The following NLGN4X variants were observed in gnomAD, a reference collection of about 807,000 sequenced individuals.
NLGN4X encodes neuroligin-4, X-linked.
A neutral mutation model predicts 40.3 loss-of-function variants in NLGN4X; 3 were observed. That is an observed-to-expected ratio of 0.07 (90% CI 0.03 to 0.19). NLGN4X has a LOEUF of 0.19. Ranked by LOEUF, NLGN4X falls within the 10% of genes least tolerant of loss-of-function variation. The probability of loss-of-function intolerance (pLI) is 1.00; values close to 1 mark genes in which losing one functional copy is unlikely to be tolerated. For missense variants in NLGN4X, 382 were observed against 708.3 expected (o/e 0.54, Z 5.23); for synonymous variants, 270 against 306.8 (o/e 0.88, Z 1.25).
At chrX:6,095,858 T>C (rs2038763437) in intron 2 of NLGN4X, among the ~76,000 whole-genome samples, 1 of 111,519 alleles carries the variant, frequency 9.0e-6, no homozygotes, top group Non-Finnish European at 1.9e-5. Context: ...AACCCTGAAT[T>C]TGGGAAAGAA....
intron 3 of NLGN4X, among the ~76,000 whole-genome samples, chrX:5,986,129 C>A (rs1177350078): frequency 8.9e-6 from 1 of 112,221 alleles, no homozygotes; most frequent in Non-Finnish European, 1.9e-5. Context: ...ATGTGAACAA[C>A]ATACTTCAAC....
intron 3 of NLGN4X, among the ~76,000 whole-genome samples, chrX:5,988,607 A>G (rs1235091987): frequency 3.6e-5 from 4 of 112,232 alleles, no homozygotes; most frequent in East Asian, 2.8e-4. Context: ...ACATTCCACT[A>G]AACAGACTTT....
chrX:6,218,471 AACCCACACAC>A (rs1488124350), intron 1 of NLGN4X, among the ~76,000 whole-genome samples: 11 of 72,334 alleles, frequency 1.5e-4, no homozygotes, highest in African/African-American at 4.6e-4. Flanking sequence ...TGAGAGATTA[AACCCACACAC>A]ACACACACAC....
At chrX:6,183,971 A>G (rs935157769) in intron 1 of NLGN4X, among the ~76,000 whole-genome samples, 1 of 112,337 alleles carries the variant, frequency 8.9e-6, no homozygotes, top group Non-Finnish European at 1.9e-5. Context: ...ATAAATGACA[A>G]TTATTCACTC....
chrX:6,207,810 C>T (rs1924162999), intron 1 of NLGN4X, among the ~76,000 whole-genome samples: 1 of 111,447 alleles, frequency 9.0e-6, no homozygotes, highest in South Asian at 3.8e-4. Flanking sequence ...TAAAAGGTGT[C>T]CATTTATTAT....
chrX:5,994,266 A>C (rs2035760722), intron 3 of NLGN4X, among the ~76,000 whole-genome samples: 1 of 111,989 alleles, frequency 8.9e-6, no homozygotes, highest in Non-Finnish European at 1.9e-5. Flanking sequence ...GCTACCGATT[A>C]GATTGAGATG....
At chrX:6,022,904 C>T (rs1004131804) in intron 3 of NLGN4X, among the ~76,000 whole-genome samples, 1 of 111,626 alleles carries the variant, frequency 9.0e-6, no homozygotes, top group Non-Finnish European at 1.9e-5. Context: ...AATGCTGTTT[C>T]TGCTATGCAT....
At chrX:5,989,075 TA>T (rs202163877) in intron 3 of NLGN4X, among the ~76,000 whole-genome samples, 1 of 89,590 alleles carries the variant, frequency 1.1e-5, no homozygotes, top group Non-Finnish European at 2.3e-5. Context: ...CTCAAAAAAA[TA>T]AAAAAAATAA....
intron 2 of NLGN4X, among the ~76,000 whole-genome samples, chrX:6,062,457 T>G (rs1216245143): frequency 9.0e-6 from 1 of 111,581 alleles, no homozygotes; most frequent in East Asian, 2.8e-4. Context: ...GTTGAAATCC[T>G]TCCATTTGTT....
intron 2 of NLGN4X, among the ~76,000 whole-genome samples, chrX:6,081,875 G>A (rs777358444): frequency 1.4e-4 from 16 of 112,009 alleles, no homozygotes; most frequent in Non-Finnish European, 2.4e-4. Flanking sequence ...GTCTGGAGGC[G>A]GTGCTGCCAA....
intron 2 of NLGN4X, among the ~76,000 whole-genome samples, chrX:6,134,115 C>A (rs947178168): frequency 2.7e-5 from 3 of 111,296 alleles, no homozygotes; most frequent in African/African-American, 9.8e-5. Context: ...CCTGGTTGAG[C>A]TTCTCAGCTT....
At chrX:6,125,459 T>C (rs2039520985) in intron 2 of NLGN4X, among the ~76,000 whole-genome samples, 1 of 109,394 alleles carries the variant, frequency 9.1e-6, no homozygotes, top group Non-Finnish European at 1.9e-5. Context: ...ATACAACAAA[T>C]AATATACAAC....
At chrX:5,920,249 C>T (rs979228274) in intron 3 of NLGN4X, among the ~76,000 whole-genome samples, 21 of 112,085 alleles carry the variant, frequency 1.9e-4, no homozygotes, top group African/African-American at 6.8e-4. Flanking sequence ...TCATAATTAG[C>T]AAGGAAATGT....
rs2034441991 is a variant in NLGN4X, at chrX:5,954,860, C to T, written c.626-45621G>A. Among the ~76,000 whole-genome samples the T allele has an allele frequency of 3.6e-5, 4 of 110,781 alleles. No individual in the cohort carries two copies. The Admixed American group carries it at 3.9e-4, about 11-fold the overall frequency. On this transcript the variant is annotated intron_variant, in intron 3 of 5. Coordinates refer to ENST00000381095, the MANE Select transcript of NLGN4X (RefSeq NM_181332.3). ...ACATGTTTCTATGACAGTAAGGCTCCAGCATTAAAGGATGTTACCATAACT... is the reference window on the plus strand; with the variant it reads ...ACATGTTTCTATGACAGTAAGGCTCTAGCATTAAAGGATGTTACCATAACT...
chrX:6,087,924 CATTT>C (rs937992817), intron 2 of NLGN4X, among the ~76,000 whole-genome samples: 5 of 112,105 alleles, frequency 4.5e-5, no homozygotes, highest in African/African-American at 1.6e-4. Flanking sequence ...CTGATGGACT[CATTT>C]ACAAGTTTTT....
At chrX:5,960,945 T>G (rs2034641252) in intron 3 of NLGN4X, among the ~76,000 whole-genome samples, 1 of 112,234 alleles carries the variant, frequency 8.9e-6, no homozygotes, top group African/African-American at 3.2e-5. Context: ...GCTTAAAATA[T>G]TCACATTAAT....
At chrX:6,010,513 T>TATTATTA (rs1555947641) in intron 3 of NLGN4X, among the ~76,000 whole-genome samples, 1 of 95,413 alleles carries the variant, frequency 1.0e-5, no homozygotes, top group African/African-American at 3.8e-5. Context: ...TTCTTTTTAT[T>TATTATTA]TTATTATTAT....
intron 1 of NLGN4X, among the ~76,000 whole-genome samples, chrX:6,191,881 T>C (rs1160554317): frequency 1.8e-5 from 2 of 111,808 alleles, no homozygotes; most frequent in African/African-American, 6.5e-5. Context: ...AGTGTGTATG[T>C]ACTTCAGAAA....
At chrX:6,179,114 G>GGAAGGAAGGAAGGAAA (rs1569284121) in intron 1 of NLGN4X, among the ~76,000 whole-genome samples, 1 of 105,942 alleles carries the variant, frequency 9.4e-6, no homozygotes, top group African/African-American at 3.6e-5. Context: ...AAGGAAGGAA[G>GGAAGGAAGGAAGGAAA]GAAGGAAGGA....
Sources: gnomAD v4.1 joint callset for allele counts (sites outside exome capture counted in the v4.1 genomes callset) on GRCh38, gnomAD v4.1.1 for gene constraint, MANE v1.5 for transcripts, NCBI Gene and HGNC (gene_info 2026-07-23, HGNC 2026-07-21) for gene names.